ASB5: variants seen among roughly 807,000 people sequenced by gnomAD.
ASB5 encodes ankyrin repeat and SOCS box protein 5.
Under a neutral mutation model 42.1 loss-of-function variants are expected in ASB5, and 45 were observed. The ratio of observed to expected loss-of-function variants is 1.07; its 90% CI spans 0.84 to 1.37. The LOEUF (loss-of-function observed/expected upper bound fraction) is 1.37, where lower values mean the gene tolerates loss of function less well. ASB5 is among the 40% of genes most tolerant of loss of function. The pLI is 0.00. For missense variants in ASB5, 402 were observed against 399.8 expected, an observed-to-expected ratio of 1.01 and a Z score of -0.05; for synonymous variants, 147 against 150.6, an observed-to-expected ratio of 0.98 and a Z score of 0.18.
At chr4:176,254,834 TC>T in intron 1 of ASB5, among the ~76,000 whole-genome samples, 2 of 152,114 alleles carry the variant, frequency 1.3e-5, no homozygotes, top group South Asian at 4.2e-4. Context: ...GAAATGCAAA[TC>T]AAAACCACAA....
At chr4:176,218,550 G>GAT (rs1381366371) in intron 5 of ASB5, among the ~76,000 whole-genome samples, 1 of 75,336 alleles carries the variant, frequency 1.3e-5, no homozygotes, top group African/African-American at 5.1e-5. Flanking sequence ...ATATTTGTAT[G>GAT]ATATATATAT....
intron 1 of ASB5, among the ~76,000 whole-genome samples, chr4:176,250,625 T>C (rs972083052): frequency 6.6e-6 from 1 of 152,156 alleles, no homozygotes; most frequent in Non-Finnish European, 1.5e-5. Context: ...GAGGTGGCAT[T>C]CTCAAAGCGG....
chr4:176,222,694 T>C (rs955423629), intron 2 of ASB5, among the ~76,000 whole-genome samples: 1 of 152,192 alleles, frequency 6.6e-6, no homozygotes, highest in African/African-American at 2.4e-5. Context: ...TAAATGTTGC[T>C]TTCTTAATAT....
intron 1 of ASB5, among the ~76,000 whole-genome samples, chr4:176,264,337 C>T (rs978535176): frequency 1.6e-4 from 24 of 152,238 alleles, no homozygotes; most frequent in African/African-American, 5.5e-4. Flanking sequence ...GGACTTACAA[C>T]TCAATGAACA....
intron 5 of ASB5, among the ~76,000 whole-genome samples, chr4:176,219,274 T>C (rs1753100340): frequency 8.8e-6 from 1 of 113,956 alleles, no homozygotes; most frequent in African/African-American, 3.4e-5. Flanking sequence ...TATATATTTG[T>C]ATGATATATA....
chr4:176,230,366 A>C (rs1753503860), intron 1 of ASB5, among the ~76,000 whole-genome samples: 1 of 152,214 alleles, frequency 6.6e-6, no homozygotes, highest in Non-Finnish European at 1.5e-5. Context: ...TGATTTATAA[A>C]TATATATAAG....
intron 1 of ASB5, among the ~76,000 whole-genome samples, chr4:176,267,437 C>T (rs746482500): frequency 3.3e-5 from 5 of 151,898 alleles, no homozygotes; most frequent in East Asian, 1.9e-4. Context: ...CCACCTTAGG[C>T]GGACAATGTT....
At chr4:176,251,232 A>C (rs4425319) in intron 1 of ASB5, among the ~76,000 whole-genome samples, 41,216 of 145,952 alleles carry the variant, frequency 0.28, 6,092 homozygotes, top group Middle Eastern at 0.34. Context: ...TGATACTTTT[A>C]ATGAAAATCA....
chr4:176,218,550 GATATATATATTTGTATGATATATAA>G (rs1579307393), intron 5 of ASB5, among the ~76,000 whole-genome samples: 1 of 75,338 alleles, frequency 1.3e-5, no homozygotes, highest in African/African-American at 5.1e-5. Context: ...ATATTTGTAT[GATATATATATTTGTATGATATATAA>G]ATATATATAT....
intron 2 of ASB5, among the ~76,000 whole-genome samples, chr4:176,223,624 T>A (rs6820418): frequency 0.21 from 32,594 of 151,974 alleles, 3,596 homozygotes; most frequent in African/African-American, 0.26. Flanking sequence ...AATATAGACA[T>A]GAAGAATTTT....
intron 1 of ASB5, among the ~76,000 whole-genome samples, chr4:176,240,671 CCTT>C (rs1247448761): frequency 2.0e-5 from 3 of 152,172 alleles, no homozygotes; most frequent in Non-Finnish European, 4.4e-5. Context: ...AGCAAGATCA[CCTT>C]CTGACAATTT....
At chr4:176,263,600 T>A (rs1049342067) in intron 1 of ASB5, among the ~76,000 whole-genome samples, 1 of 152,172 alleles carries the variant, frequency 6.6e-6, no homozygotes, top group African/African-American at 2.4e-5. Flanking sequence ...TTGTTCCACC[T>A]ACGTATAGAA....
At chr4:176,273,935 T>C (rs1754519803), upstream of ASB5, among the ~76,000 whole-genome samples, 2 of 152,238 alleles carry the variant, frequency 1.3e-5, 1 homozygote, top group South Asian at 4.1e-4. Context: ...ACCCAGCATT[T>C]CTTTAATGGA....
intron 6 of ASB5, 87 bp from the exon 7 acceptor site, chr4:176,215,814 T>C: frequency 7.5e-7 from 1 of 1,327,206 alleles, no homozygotes; most frequent in Non-Finnish European, 1.0e-6. Flanking sequence ...CCATAAAAAC[T>C]ACAATGCTTT....
intron 1 of ASB5, among the ~76,000 whole-genome samples, chr4:176,244,182 A>G (rs905505187): frequency 6.6e-6 from 1 of 152,090 alleles, no homozygotes; most frequent in Non-Finnish European, 1.5e-5. Flanking sequence ...TATATATTAT[A>G]TTTATGATTT....
chr4:176,245,251 C>T lies in ASB5; in HGVS notation c.197-19910G>A, dbSNP rs185783471. Among the ~76,000 whole-genome samples the T allele has an allele frequency of 2.1e-3, 324 of 152,204 alleles. 2 individuals are homozygous for T. Among genetic ancestry groups the T allele is most frequent in the African/African-American group, 7.4e-3 (308 of 41,508 alleles). ...AGTGGGGAGAGGATATGAACAGACA[C>T]TTTTCAAAAGAAGACATTTATGCAG... On this transcript the variant is annotated intron_variant, in intron 1 of 6. Transcript: ENST00000296525.
chr4:176,250,358 C>A (rs1307076864), intron 1 of ASB5, among the ~76,000 whole-genome samples: 1 of 152,148 alleles, frequency 6.6e-6, no homozygotes, highest in East Asian at 1.9e-4. Context: ...GCATTCAGAG[C>A]TAAAAGTGGA....
In ASB5 at chr4:176,257,119, G is replaced by T. The variant is rs539643168; in HGVS notation, c.196+11794C>A. ...AAAAGGACAAGAGGCTTTTAAGAAG[G>T]ATGGTTTGGCAAAGGACGTTACTAT... is the stretch of plus-strand genomic sequence containing the variant. On this transcript the variant is annotated intron_variant, in intron 1 of 6. Transcript: ENST00000296525. 2.0e-5 allele frequency among the ~76,000 whole-genome samples: 3 copies of T among 152,270 alleles called. No individual in the cohort carries two copies. In the South Asian group the frequency reaches 6.2e-4, roughly 32 times the overall value.
At chr4:176,262,813 G>A (rs990766716) in intron 1 of ASB5, among the ~76,000 whole-genome samples, 4 of 152,088 alleles carry the variant, frequency 2.6e-5, no homozygotes, top group African/African-American at 7.2e-5. Context: ...AATGATTAAA[G>A]GAAGGAAGAG....
Sources: allele counts gnomAD v4.1 joint callset (sites outside exome capture counted in the v4.1 genomes callset), GRCh38; gene constraint gnomAD v4.1.1; transcripts MANE v1.5; gene names NCBI Gene and HGNC (gene_info 2026-07-23, HGNC 2026-07-21).